The following PLIN3 variants were observed in gnomAD, a reference collection of about 807,000 sequenced individuals.
The protein encoded by PLIN3 is perilipin 3, also known as perilipin-3.
In PLIN3, 30 loss-of-function variants were observed where a neutral mutation model predicts 35.9. The ratio of observed to expected loss-of-function variants is 0.84; its 90% CI spans 0.62 to 1.13. The LOEUF (loss-of-function observed/expected upper bound fraction) is 1.13, where lower values mean the gene tolerates loss of function less well. PLIN3 is among the 50% of genes most tolerant of loss of function. PLIN3 has a pLI of 0.00. For synonymous variants in PLIN3, 261 were observed against 262.5 expected (o/e 0.99, Z 0.06); for missense variants, 603 against 596.9 (o/e 1.01, Z -0.11).
At chr19:4,864,613 A>G (rs2030790270) in intron 1 of PLIN3, among the ~76,000 whole-genome samples, 1 of 151,936 alleles carries the variant, frequency 6.6e-6, no homozygotes, top group South Asian at 2.1e-4. Flanking sequence ...CACCGCACCC[A>G]GCCAAAATTT....
chr19:4,839,139 C>G lies in PLIN3; in HGVS notation c.*53G>C. 1 of 1,434,614 alleles carries G rather than the reference C, an allele frequency of 7.0e-7. No homozygotes were observed. The highest frequency in any genetic ancestry group is 1.3e-5 in the South Asian group (1 of 78,338). The allele number at this position is 1,434,614 out of a possible 1,614,324, so 88.9% of individuals were successfully genotyped here. A position where few individuals can be genotyped will look rare whatever the true frequency, so the allele number is the denominator to read the frequency against. ...GAAATGAGCCCCGGGTTGAGGACTC[C>G]AGAGCACAGCTGCATTATAGAGACG... On this transcript the variant is annotated 3_prime_UTR_variant, in exon 8 of 8. Transcript: ENST00000221957.
At chr19:4,850,587 ATTTTTTTTTTT>A (rs71170860) in intron 5 of PLIN3, among the ~76,000 whole-genome samples, 76,018 of 124,530 alleles carry the variant, frequency 0.61, 22,761 homozygotes, top group South Asian at 0.66. Context: ...CGCCCGGCTA[ATTTTTTTTTTT>A]TTTTTTTTTT....
intron 6 of PLIN3, among the ~76,000 whole-genome samples, chr19:4,846,745 C>G (rs529569704): frequency 3.3e-5 from 5 of 152,044 alleles, no homozygotes; most frequent in African/African-American, 1.2e-4. Flanking sequence ...AGGGAAGGGA[C>G]GACCACGTGA....
At chr19:4,856,358 A>G (rs978584307) in intron 4 of PLIN3, among the ~76,000 whole-genome samples, 2 of 152,066 alleles carry the variant, frequency 1.3e-5, no homozygotes, top group African/African-American at 4.8e-5. Flanking sequence ...TGGGAGTTCG[A>G]GACCAGCCTG....
intron 7 of PLIN3, among the ~76,000 whole-genome samples, chr19:4,840,703 G>A (rs1190766597): frequency 1.3e-5 from 2 of 152,186 alleles, no homozygotes; most frequent in Non-Finnish European, 2.9e-5. Flanking sequence ...TGTAATCCCA[G>A]CACTTTGGGA....
intron 7 of PLIN3, among the ~76,000 whole-genome samples, chr19:4,841,143 A>C (rs901263146): frequency 1.3e-5 from 2 of 152,140 alleles, no homozygotes; most frequent in Non-Finnish European, 2.9e-5. Flanking sequence ...TGCACAAGAG[A>C]AACGGAAACA....
intron 7 of PLIN3, among the ~76,000 whole-genome samples, chr19:4,840,977 C>G (rs1395470292): frequency 6.6e-6 from 1 of 152,144 alleles, no homozygotes; most frequent in Non-Finnish European, 1.5e-5. Flanking sequence ...ACCCCAGAGG[C>G]TATCAGATGA....
In PLIN3 at chr19:4,847,858, C is replaced by T. The variant is rs376956447; in HGVS notation, c.667G>A (p.Val223Ile). 6.2e-6 allele frequency: 10 copies of T among 1,613,676 alleles called. No homozygotes were observed. The Admixed American group carries it at 6.7e-5, about 11-fold the overall frequency. ...RIATSLDGFD[V>I]ASVQQQRQEQ... is the part of the protein sequence containing the mutation. Reference sequence around the variant, plus strand: ...TGCCGCTGCTGCTGCACGGACGCGACGTCAAAGCCATCCAGGGATGTGGCG... The same window carrying T: ...TGCCGCTGCTGCTGCACGGACGCGATGTCAAAGCCATCCAGGGATGTGGCG... The change falls in exon 6 of 8, where the codon GTC becomes ATC. Residue 223 changes from valine to isoleucine, a missense_variant. By Grantham distance (29) the Val-to-Ile change is conservative (BLOSUM62 3). Coordinates refer to ENST00000221957, the MANE Select transcript of PLIN3 (RefSeq NM_005817.5).
chr19:4,843,742 G>A (rs990324318), intron 7 of PLIN3, among the ~76,000 whole-genome samples: 37 of 151,432 alleles, frequency 2.4e-4, no homozygotes, highest in African/African-American at 5.8e-4. Flanking sequence ...AGGCTGAGGC[G>A]AGAGGATTGC....
chr19:4,858,534 C>G (rs115349628), intron 4 of PLIN3, among the ~76,000 whole-genome samples: 2 of 150,686 alleles, frequency 1.3e-5, no homozygotes, highest in Middle Eastern at 3.5e-3. Context: ...CACGCCACCA[C>G]GCCAAGCTAA....
At chr19:4,857,349 C>T (rs2030508341) in intron 4 of PLIN3, among the ~76,000 whole-genome samples, 1 of 151,920 alleles carries the variant, frequency 6.6e-6, no homozygotes, top group Non-Finnish European at 1.5e-5. Flanking sequence ...GCAGGAGGAT[C>T]TGTTGAGCCC....
Position 4,838,581 on chromosome 19 carries a change from T to A in PLIN3, c.*611A>T. ...ATGAACTATATCCCTGATTTTTTTT[T>A]CTTTTTTTTTTTTTTTGAGACTAAG... is the stretch of plus-strand genomic sequence containing the variant. On this transcript the variant is annotated 3_prime_UTR_variant, in exon 8 of 8. Coordinates refer to ENST00000221957, the MANE Select transcript of PLIN3 (RefSeq NM_005817.5). 1 of 117,314 alleles carries A rather than the reference T, an allele frequency of 8.5e-6. No individual in the cohort carries two copies. Among genetic ancestry groups the A allele is most frequent in the Admixed American group, 9.7e-5 (1 of 10,340 alleles). The allele number at this position is 117,314 out of a possible 1,614,324, so 7.3% of individuals were successfully genotyped here. A position where few individuals can be genotyped will look rare whatever the true frequency, so the allele number is the denominator to read the frequency against.
chr19:4,859,558 T>C, intron 4 of PLIN3, 32 bp downstream of exon 4: 1 of 1,597,934 alleles, frequency 6.3e-7, no homozygotes, highest in Non-Finnish European at 8.6e-7. Flanking sequence ...GGTCCCTGTC[T>C]CGACAGAGCC....
At chr19:4,860,081 G>T in intron 2 of PLIN3, 57 bp from the exon 3 acceptor site, 2 of 1,495,570 alleles carry the variant, frequency 1.3e-6, no homozygotes, top group South Asian at 2.3e-5. Flanking sequence ...GAGCTCAGCC[G>T]GAAACTCAGG....
chr19:4,850,174 G>C lies in PLIN3; in HGVS notation c.634+1842C>G, dbSNP rs548746088. On this transcript the variant is annotated intron_variant, in intron 5 of 7. Transcript: ENST00000221957. Reference sequence around the variant, plus strand: ...TTGGTCAGGCTTGTCTCGAACTCCCGACCTCAACCTCCACCCGCCTCAGCC... The same window carrying C: ...TTGGTCAGGCTTGTCTCGAACTCCCCACCTCAACCTCCACCCGCCTCAGCC... Among the ~76,000 whole-genome samples the C allele has an allele frequency of 9.2e-4, 140 of 151,684 alleles. 1 individual carries two copies. Among genetic ancestry groups the C allele is most frequent in the African/African-American group, 3.3e-3 (135 of 41,342 alleles).
chr19:4,852,207 G>A lies in PLIN3; in HGVS notation c.443C>T (p.Ser148Leu), dbSNP rs773019428. 7.4e-6 allele frequency: 12 copies of A among 1,612,358 alleles called. No individual in the cohort carries two copies. Among genetic ancestry groups the A allele is most frequent in the East Asian group, 4.5e-5 (2 of 44,880 alleles). ...SAKDTVATQL[S>L]EAVDATRGAV... ...ACCGCGGGTCGCGTCCACCGCCTCC[G>A]ACAATTGGGTGGCCACCGTGTCCTT... Residue 148 changes from serine (S) to leucine (L), a missense_variant, in exon 5 of 8, where the codon TCG becomes TTG. Ser to Leu is a moderately radical substitution (Grantham distance 145). Coordinates refer to ENST00000221957, the MANE Select transcript of PLIN3 (RefSeq NM_005817.5).
intron 6 of PLIN3, 50 bp from the exon 7 acceptor site, chr19:4,844,843 C>T (rs765029324): frequency 3.2e-5 from 48 of 1,521,934 alleles, no homozygotes; most frequent in Admixed American, 1.4e-4. Context: ...CTGGGAGAGA[C>T]GGGATTCCAG....
chr19:4,847,570 G>A, intron 6 of PLIN3, 121 bp downstream of exon 6: 1 of 797,642 alleles, frequency 1.3e-6, no homozygotes, highest in East Asian at 2.7e-5. Flanking sequence ...AGTGCCAGGA[G>A]CAAGCGGGAA....
intron 7 of PLIN3, among the ~76,000 whole-genome samples, chr19:4,844,327 G>T (rs560546499): frequency 6.6e-6 from 1 of 151,970 alleles, no homozygotes; most frequent in Non-Finnish European, 1.5e-5. Context: ...TTAGCCAGGC[G>T]TGGTGGTGAG....
Sources: gnomAD v4.1 joint callset for allele counts (sites outside exome capture counted in the v4.1 genomes callset) on GRCh38, gnomAD v4.1.1 for gene constraint, MANE v1.5 for transcripts, NCBI Gene and HGNC (gene_info 2026-07-23, HGNC 2026-07-21) for gene names.